ABCA13: variants seen among roughly 807,000 people sequenced by gnomAD.
The protein encoded by ABCA13 is ATP binding cassette subfamily A member 13, also known as ATP-binding cassette sub-family A member 13.
In ABCA13, 476 loss-of-function variants were observed where a neutral mutation model predicts 478.7. The ratio of observed to expected loss-of-function variants is 0.99; its 90% confidence interval spans 0.92 to 1.07. The LOEUF is 1.07. ABCA13 is among the 50% of genes least tolerant of loss of function. The probability of loss-of-function intolerance (pLI) is 0.00; values close to 1 mark genes in which losing one functional copy is unlikely to be tolerated. For synonymous variants in ABCA13, 2,252 were observed against 2,158.9 expected (o/e 1.04, Z -1.20); for missense variants, 6,060 against 5,910.6 (o/e 1.03, Z -0.83).
intron 41 of ABCA13, among the ~76,000 whole-genome samples, chr7:48,419,601 C>A (rs983918233): frequency 6.6e-6 from 1 of 152,064 alleles, no homozygotes; most frequent in Admixed American, 6.5e-5. Flanking sequence ...GTTAGTCACC[C>A]CAGAACAGCA....
rs988033987 is a variant in ABCA13, at chr7:48,412,688, G to C, written c.12459+105G>C. ...GGGGGGGAGATGTGGGTAAGGGGGA[G>C]GAGTGTGCACTTTTATTTACATTTG... On this transcript the variant is annotated intron_variant, in intron 41 of 61. Coordinates refer to ENST00000435803, the MANE Select transcript of ABCA13 (RefSeq NM_152701.5). The C allele has an allele frequency of 1.5e-5, 12 of 809,580 alleles. No individual in the cohort carries two copies. The African/African-American group carries it at 2.0e-4, about 13-fold the overall frequency. 50.1% of individuals were successfully genotyped at this position (809,580 alleles called of 1,614,324 possible). A position where few individuals can be genotyped will look rare whatever the true frequency, so the allele number is the denominator to read the frequency against.
At position 48,295,748 on chromosome 7, in the gene ABCA13, C is replaced by T; in HGVS notation, c.9004C>T (p.Leu3002Phe). 1 of 1,614,036 alleles carries T rather than the reference C, an allele frequency of 6.2e-7. No homozygotes were observed. Among genetic ancestry groups the T allele is most frequent in the Admixed American group, 1.7e-5 (1 of 60,026 alleles). ...GCCGAATCAGCTAAATTGTGAAAGTCTTAGCAAGAATCTTTCTAGCACCTT... is the reference window on the plus strand; with the variant it reads ...GCCGAATCAGCTAAATTGTGAAAGTTTTAGCAAGAATCTTTCTAGCACCTT... ...SSPNQLNCES[L>F]SKNLSSTLES... The change falls in exon 21 of 62, where the codon CTT becomes TTT. Residue 3002 changes from leucine (L) to phenylalanine (F), a missense_variant. Coordinates refer to ENST00000435803, the MANE Select transcript of ABCA13 (RefSeq NM_152701.5).
intron 3 of ABCA13, among the ~76,000 whole-genome samples, chr7:48,214,406 G>T (rs751788776): frequency 6.6e-6 from 1 of 152,168 alleles, no homozygotes; most frequent in Non-Finnish European, 1.5e-5. Flanking sequence ...CACCAGCTGT[G>T]TTAGCCCCTA....
intron 33 of ABCA13, among the ~76,000 whole-genome samples, chr7:48,373,679 T>C (rs1813009488): frequency 6.6e-6 from 1 of 152,202 alleles, no homozygotes; most frequent in Non-Finnish European, 1.5e-5. Flanking sequence ...TCCTTGTACA[T>C]AGAAAAAGAG....
rs1820725332 is a variant in ABCA13, at chr7:48,421,420, A to G, written c.12460-6346A>G. ...TTTACCCCATTGACCTATTTATATA[A>G]GGAACCACTCATAGCATTCTATTCT... On this transcript the variant is annotated intron_variant, in intron 41 of 61. Coordinates refer to ENST00000435803, the MANE Select transcript of ABCA13 (RefSeq NM_152701.5). Among the ~76,000 whole-genome samples the G allele has an allele frequency of 2.0e-5, 3 of 152,348 alleles. No homozygotes were observed. The South Asian group carries it at 6.2e-4, about 32-fold the overall frequency.
At chr7:48,574,339 T>C (rs1787959647) in intron 55 of ABCA13, among the ~76,000 whole-genome samples, 1 of 152,160 alleles carries the variant, frequency 6.6e-6, no homozygotes. Flanking sequence ...TCCGGAGGCT[T>C]CACTGTTCAA....
chr7:48,581,765 A>T (rs1035587211), intron 56 of ABCA13, among the ~76,000 whole-genome samples: 22 of 152,206 alleles, frequency 1.4e-4, no homozygotes, highest in Non-Finnish European at 2.6e-4. Context: ...CATTTCCTTT[A>T]TAAAACTGTA....
intron 27 of ABCA13, among the ~76,000 whole-genome samples, chr7:48,318,268 C>T (rs888015082): frequency 1.3e-5 from 2 of 152,134 alleles, no homozygotes; most frequent in Non-Finnish European, 2.9e-5. Flanking sequence ...TTGCCACCTA[C>T]CTCAGGGGCT....
intron 1 of ABCA13, among the ~76,000 whole-genome samples, chr7:48,190,105 G>A (rs1426321204): frequency 6.6e-6 from 1 of 152,152 alleles, no homozygotes; most frequent in Non-Finnish European, 1.5e-5. Flanking sequence ...GCTATTGAGA[G>A]TGCAATCAGA....
intron 59 of ABCA13, among the ~76,000 whole-genome samples, chr7:48,625,140 C>T (rs1211170018): frequency 6.6e-6 from 1 of 152,146 alleles, no homozygotes; most frequent in African/African-American, 2.4e-5. Flanking sequence ...TGTTTGAGCT[C>T]TCAAGCTACC....
chr7:48,350,830 A>T lies in ABCA13; in HGVS notation c.10381+11A>T. On this transcript the variant is annotated intron_variant, in intron 30 of 61. Transcript: ENST00000435803. The stretch of plus-strand genomic sequence containing the variant: ...ACAGCTTCTTGGCCAGTAAGTACTC[A>T]ATGAAAAAATATGTTCGCCAAGATG... 1 of 1,608,770 alleles carries T rather than the reference A, an allele frequency of 6.2e-7. No individual in the cohort carries two copies. The highest frequency in any genetic ancestry group is 8.5e-7 in the Non-Finnish European group (1 of 1,176,730).
intron 31 of ABCA13, among the ~76,000 whole-genome samples, chr7:48,362,409 CTTTTTTT>C (rs35795708): frequency 5.8e-5 from 5 of 86,010 alleles, no homozygotes; most frequent in African/African-American, 4.7e-5. Flanking sequence ...TCCTCTTCTT[CTTTTTTT>C]TTTTTTTTTT....
intron 44 of ABCA13, among the ~76,000 whole-genome samples, chr7:48,469,523 A>G (rs1030707): frequency 0.35 from 53,345 of 151,530 alleles, 9,442 homozygotes; most frequent in East Asian, 0.46. Flanking sequence ...TCTCAGTTCT[A>G]TAGAAAGAAC....
intron 27 of ABCA13, among the ~76,000 whole-genome samples, chr7:48,321,945 A>C (rs1361257206): frequency 6.6e-6 from 1 of 152,294 alleles, no homozygotes; most frequent in Non-Finnish European, 1.5e-5. Context: ...GGAGAACATC[A>C]GGGGGTTTGA....
At chr7:48,399,770 A>T (rs1817339108) in intron 38 of ABCA13, among the ~76,000 whole-genome samples, 1 of 152,208 alleles carries the variant, frequency 6.6e-6, no homozygotes, top group African/African-American at 2.4e-5. Context: ...TGATATGCTC[A>T]GATGACCTGA....
chr7:48,361,888 A>G (rs1176080812), intron 31 of ABCA13, among the ~76,000 whole-genome samples: 1 of 151,992 alleles, frequency 6.6e-6, no homozygotes, highest in Non-Finnish European at 1.5e-5. Context: ...GTAATAAGAA[A>G]CATACAAATT....
chr7:48,450,736 T>C (rs921430441), intron 42 of ABCA13, among the ~76,000 whole-genome samples: 1 of 152,132 alleles, frequency 6.6e-6, no homozygotes, highest in Non-Finnish European at 1.5e-5. Flanking sequence ...TTGGGTCATA[T>C]TCCCTCTCCC....
chr7:48,302,925 A>G (rs890303938), intron 23 of ABCA13, among the ~76,000 whole-genome samples: 2 of 152,148 alleles, frequency 1.3e-5, no homozygotes, highest in Admixed American at 6.5e-5. Context: ...GGTTTCCACA[A>G]TGGTTGAACT....
At chr7:48,403,030 T>A (rs971009615) in intron 38 of ABCA13, among the ~76,000 whole-genome samples, 2 of 151,916 alleles carry the variant, frequency 1.3e-5, no homozygotes, top group African/African-American at 4.8e-5. Flanking sequence ...GAAAAGAGAG[T>A]GGATCCCTGG....
Sources: gnomAD v4.1 joint callset for allele counts (sites outside exome capture counted in the v4.1 genomes callset) on GRCh38, gnomAD v4.1.1 for gene constraint, MANE v1.5 for transcripts, NCBI Gene and HGNC (gene_info 2026-07-23, HGNC 2026-07-21) for gene names.